EYS: variants seen among roughly 807,000 people sequenced by gnomAD.
EYS encodes the protein protein eyes shut homolog.
A neutral mutation model predicts 282.1 loss-of-function variants in EYS; 250 were observed. The ratio of observed to expected loss-of-function variants is 0.89; its 90% CI spans 0.80 to 0.98. The LOEUF (loss-of-function observed/expected upper bound fraction) is 0.98. Ranked by LOEUF, EYS falls within the 50% of genes least tolerant of loss-of-function variation. The probability of loss-of-function intolerance (pLI) is 0.00; values close to 1 mark genes in which losing one functional copy is unlikely to be tolerated. For synonymous variants in EYS, 1,355 were observed against 1,282.9 expected, an observed-to-expected ratio of 1.06 and a Z score of -1.20; for missense variants, 4,016 against 3,709.0, an observed-to-expected ratio of 1.08 and a Z score of -2.15.
intron 18 of EYS, among the ~76,000 whole-genome samples, chr6:64,898,706 T>G (rs920092717): frequency 1.3e-5 from 2 of 149,702 alleles, no homozygotes; most frequent in Non-Finnish European, 3.0e-5. Context: ...ATTCAGGAGA[T>G]GCATCTCGTA....
chr6:65,592,995 T>C (rs1765286054), intron 2 of EYS, among the ~76,000 whole-genome samples: 1 of 151,970 alleles, frequency 6.6e-6, no homozygotes, highest in Admixed American at 6.6e-5. Flanking sequence ...ACTCCAGCAA[T>C]AGGAGTCAAT....
intron 28 of EYS, among the ~76,000 whole-genome samples, chr6:64,434,674 T>C (rs1352759802): frequency 1.3e-5 from 2 of 152,058 alleles, no homozygotes; most frequent in Non-Finnish European, 2.9e-5. Context: ...TTTCTAGTTA[T>C]GTCATTATCT....
intron 12 of EYS, among the ~76,000 whole-genome samples, chr6:65,276,225 G>A (rs978880386): frequency 3.3e-5 from 5 of 152,122 alleles, no homozygotes; most frequent in African/African-American, 1.2e-4. Context: ...CTCTAAATCA[G>A]TGTCCATAGA....
rs1766428534 is a variant in EYS, at chr6:64,592,009, CA to C, written c.3878-21del. The C allele has an allele frequency of 5.6e-6, 8 of 1,440,204 alleles. No individual in the cohort carries two copies. The highest frequency in any genetic ancestry group is 1.5e-5 in the South Asian group (1 of 65,478). The allele number at this position is 1,440,204 out of a possible 1,614,324, so 89.2% of individuals were successfully genotyped here. A position where few individuals can be genotyped will look rare whatever the true frequency, so the allele number is the denominator to read the frequency against. On this transcript the variant is annotated intron_variant, in intron 25 of 42. Transcript: ENST00000503581. ...TTGGACCTACAAAAAGGAAAAAAGC[CA>C]AAAAGGTTAGAAAAATGAATCAGAA...
chr6:65,117,746 G>A (rs891264776), intron 12 of EYS, among the ~76,000 whole-genome samples: 1 of 152,070 alleles, frequency 6.6e-6, no homozygotes, highest in Non-Finnish European at 1.5e-5. Context: ...AAAAAGAATG[G>A]GCAACTGAAA....
At chr6:64,621,198 A>T (rs1232960477) in intron 23 of EYS, among the ~76,000 whole-genome samples, 1 of 152,186 alleles carries the variant, frequency 6.6e-6, no homozygotes, top group Admixed American at 6.5e-5. Context: ...ATATTCAGCT[A>T]GAAATATTGA....
chr6:65,530,992 A>G (rs1312036908), intron 2 of EYS, among the ~76,000 whole-genome samples: 2 of 152,172 alleles, frequency 1.3e-5, no homozygotes, highest in African/African-American at 2.4e-5. Context: ...CTATAAGAAA[A>G]ATAGTAATAG....
intron 22 of EYS, among the ~76,000 whole-genome samples, chr6:64,690,956 T>C (rs1417615827): frequency 6.6e-6 from 1 of 152,042 alleles, no homozygotes; most frequent in Non-Finnish European, 1.5e-5. Context: ...TGTGCACATG[T>C]ACTCTAGAAC....
intron 31 of EYS, among the ~76,000 whole-genome samples, chr6:64,202,702 C>T (rs1026388465): frequency 2.6e-5 from 4 of 152,052 alleles, no homozygotes; most frequent in African/African-American, 7.2e-5. Context: ...AACCTTGAGA[C>T]GAGATCATCC....
chr6:63,741,961 C>G, intron 41 of EYS: 1 of 702,390 alleles, frequency 1.4e-6, no homozygotes, highest in Non-Finnish European at 2.6e-6. Context: ...TCCAAGATCA[C>G]AATGAGGATA....
chr6:64,690,871 C>T (rs1210120522), intron 22 of EYS, among the ~76,000 whole-genome samples: 2 of 152,054 alleles, frequency 1.3e-5, no homozygotes, highest in South Asian at 4.2e-4. Flanking sequence ...GGAGATATAC[C>T]TAATGTAAAT....
At chr6:65,318,497 T>C (rs9354223) in intron 11 of EYS, among the ~76,000 whole-genome samples, 66,387 of 136,906 alleles carry the variant, frequency 0.48, 14,801 homozygotes, top group East Asian at 0.76. Flanking sequence ...AGGGTCATCT[T>C]GGAGGCTGGT....
At chr6:64,821,813 T>C in intron 20 of EYS, 90 bp from the exon 21 acceptor site, 1 of 753,442 alleles carries the variant, frequency 1.3e-6, no homozygotes, top group South Asian at 2.1e-5. Flanking sequence ...TTTTCTTTCC[T>C]AGTTCAGGTG....
intron 5 of EYS, among the ~76,000 whole-genome samples, chr6:65,465,916 G>A (rs1298724428): frequency 6.6e-6 from 1 of 152,054 alleles, no homozygotes; most frequent in African/African-American, 2.4e-5. Flanking sequence ...AGGCTGCAGT[G>A]AGCTGTGATT....
At chr6:64,966,109 G>C (rs533950835) in intron 14 of EYS, among the ~76,000 whole-genome samples, 2 of 152,174 alleles carry the variant, frequency 1.3e-5, no homozygotes, top group East Asian at 3.9e-4. Context: ...CTTTGAGTTG[G>C]AGAAAAGACA....
chr6:65,646,316 G>T (rs953139089), intron 1 of EYS, among the ~76,000 whole-genome samples: 3 of 152,058 alleles, frequency 2.0e-5, no homozygotes, highest in African/African-American at 4.8e-5. Flanking sequence ...ATATTAAAAA[G>T]ATAATCCACT....
chr6:64,451,491 C>T (rs2150477551), intron 26 of EYS, among the ~76,000 whole-genome samples: 1 of 152,214 alleles, frequency 6.6e-6, no homozygotes, highest in Admixed American at 6.5e-5. Context: ...AAGAGGGAAT[C>T]CTCCCTAACT....
chr6:64,663,652 T>C (rs1393402265), intron 22 of EYS, among the ~76,000 whole-genome samples: 1 of 152,160 alleles, frequency 6.6e-6, no homozygotes, highest in African/African-American at 2.4e-5. Context: ...AGGAACACGT[T>C]ACTTCCAGCC....
chr6:64,466,220 A>C (rs545273649), intron 26 of EYS, among the ~76,000 whole-genome samples: 1 of 152,262 alleles, frequency 6.6e-6, no homozygotes, highest in Admixed American at 6.5e-5. Context: ...AAATAGCACT[A>C]TAATATAATC....
Sources: gnomAD v4.1 joint callset for allele counts (sites outside exome capture counted in the v4.1 genomes callset) on GRCh38, gnomAD v4.1.1 for gene constraint, MANE v1.5 for transcripts, NCBI Gene and HGNC (gene_info 2026-07-23, HGNC 2026-07-21) for gene names.